NDRG3: variants seen among roughly 807,000 people sequenced by gnomAD.
The protein encoded by NDRG3 is protein NDRG3.
Under a neutral mutation model 57.2 loss-of-function variants are expected in NDRG3, and 23 were observed. The observed-to-expected ratio is 0.40, with a 90% CI of 0.29 to 0.57. NDRG3 has a LOEUF of 0.57. Among genes scored for constraint, NDRG3 ranks in the 20% least tolerant of loss-of-function variants. The pLI, the probability that NDRG3 is intolerant of heterozygous loss-of-function variation, is 0.42. For missense variants in NDRG3, 384 were observed against 457.3 expected (o/e 0.84, Z 1.46); for synonymous variants, 132 against 162.6 (o/e 0.81, Z 1.43).
chr20:36,723,659 A>AGTGTGTGTGTGTGTGTGTGTGT (rs36022065), intron 1 of NDRG3, among the ~76,000 whole-genome samples: 4 of 132,938 alleles, frequency 3.0e-5, no homozygotes, highest in African/African-American at 5.7e-5. Flanking sequence ...ATATTAGTCT[A>AGTGTGTGTGTGTGTGTGTGTGT]GTGTGTGTGT....
intron 15 of NDRG3, among the ~76,000 whole-genome samples, chr20:36,655,826 G>T (rs1311270622): frequency 2.6e-5 from 4 of 152,056 alleles, no homozygotes; most frequent in African/African-American, 9.7e-5. Flanking sequence ...ACTAATAACA[G>T]AATGACTTCT....
chr20:36,731,145 G>A (rs1985263025), intron 1 of NDRG3, among the ~76,000 whole-genome samples: 1 of 152,096 alleles, frequency 6.6e-6, no homozygotes, highest in Admixed American at 6.6e-5. Flanking sequence ...AGCACAGGTG[G>A]GAGTGAGAAT....
intron 3 of NDRG3, among the ~76,000 whole-genome samples, chr20:36,696,777 C>T (rs899256915): frequency 6.6e-6 from 1 of 152,214 alleles, no homozygotes; most frequent in African/African-American, 2.4e-5. Context: ...AGGCGTGAGC[C>T]ACCACGCCCG....
At chr20:36,655,479 C>A (rs1013190860) in intron 15 of NDRG3, among the ~76,000 whole-genome samples, 2 of 152,182 alleles carry the variant, frequency 1.3e-5, no homozygotes, top group Non-Finnish European at 2.9e-5. Flanking sequence ...TACAAGAGAC[C>A]AGGACAATGG....
chr20:36,744,972 G>C (rs534600216), intron 1 of NDRG3, among the ~76,000 whole-genome samples: 4 of 150,956 alleles, frequency 2.6e-5, no homozygotes, highest in African/African-American at 7.4e-5. Flanking sequence ...GGGTAAGGGG[G>C]GGGGGGGGCG....
intron 1 of NDRG3, among the ~76,000 whole-genome samples, chr20:36,743,215 C>G (rs1276408425): frequency 6.6e-6 from 1 of 152,188 alleles, no homozygotes; most frequent in Non-Finnish European, 1.5e-5. Flanking sequence ...CAAAAGCAGC[C>G]GGGCTCGGAG....
intron 8 of NDRG3, among the ~76,000 whole-genome samples, chr20:36,677,040 C>T (rs1980793468): frequency 6.6e-6 from 1 of 152,224 alleles, no homozygotes; most frequent in African/African-American, 2.4e-5. Flanking sequence ...TTTGCCTTCC[C>T]AGGTACAGCT....
rs990627677 is a variant in NDRG3 at position 36,699,757 on chromosome 20, A to C, written c.93+7215T>G. On this transcript the variant is annotated intron_variant, in intron 3 of 15. Transcript: ENST00000349004. ...GATGGGGATGAGACAGTGAGCTGCC[A>C]GGGAAGGTCAGGAGAAGGATGGTAA... Among the ~76,000 whole-genome samples the C allele has an allele frequency of 7.9e-5, 12 of 152,026 alleles. No homozygotes were observed. In the East Asian group the frequency reaches 1.7e-3, roughly 22 times the overall value.
chr20:36,712,920 A>C (rs1454742999), intron 2 of NDRG3, among the ~76,000 whole-genome samples: 1 of 151,838 alleles, frequency 6.6e-6, no homozygotes, highest in African/African-American at 2.4e-5. Flanking sequence ...TCTGAGACAG[A>C]GTCTTGCTTT....
Position 36,653,238 on chromosome 20 carries a change from T to C in NDRG3, c.*282A>G. On this transcript the variant is annotated 3_prime_UTR_variant, in exon 16 of 16. Coordinates refer to ENST00000349004, the MANE Select transcript of NDRG3 (RefSeq NM_032013.4). The surrounding 1 kb of genome is among the most constrained non-coding windows in gnomAD (Gnocchi z 4.2). Reference sequence around the variant, plus strand: ...GGATCAAAGAATCTTATCTGATACATAGTTGGGGGAGCACGGGAAAAAGCT... The same window carrying C: ...GGATCAAAGAATCTTATCTGATACACAGTTGGGGGAGCACGGGAAAAAGCT... 3.2e-6 allele frequency: 1 copy of C among 313,112 alleles called. No homozygotes were observed. Among genetic ancestry groups the C allele is most frequent in the East Asian group, 5.3e-5 (1 of 18,700 alleles). The allele number at this position is 313,112 out of a possible 1,614,324, so 19.4% of individuals were successfully genotyped here.
chr20:36,701,378 A>AT (rs1181408616), intron 3 of NDRG3, among the ~76,000 whole-genome samples: 5 of 151,714 alleles, frequency 3.3e-5, no homozygotes, highest in African/African-American at 4.8e-5. Context: ...CTCTACAAAA[A>AT]ATATATATAT....
chr20:36,653,647 C>T lies in NDRG3; in HGVS notation c.1001G>A (p.Ser334Asn). 1 of 1,614,154 alleles carries T rather than the reference C, an allele frequency of 6.2e-7. No individual in the cohort carries two copies. The highest frequency in any genetic ancestry group is 2.2e-5 in the East Asian group (1 of 44,882). ...GGGACTTTCTCCAGAGCCGAGGCTA[C>T]TCGAGGTTGAGTGGGTTCGTGATCG... is the stretch of plus-strand genomic sequence containing the variant. ...LARSRTHSTS[S>N]SLGSGESPFS... is the part of the protein sequence containing the mutation. Residue 334 changes from serine (S) to asparagine (N), a missense_variant, in exon 16 of 16, where the codon AGT (serine) becomes AAT (asparagine). Physicochemically the swap from Ser to Asn is conservative, Grantham distance 46 (BLOSUM62 1). Coordinates refer to ENST00000349004, the MANE Select transcript of NDRG3 (RefSeq NM_032013.4). This position sits in a 1 kb window ranked among gnomAD's most constrained non-coding sequence, Gnocchi z 4.2.
At chr20:36,683,088 A>C (rs543957740) in intron 6 of NDRG3, among the ~76,000 whole-genome samples, 4 of 152,066 alleles carry the variant, frequency 2.6e-5, no homozygotes, top group Non-Finnish European at 5.9e-5. Context: ...TAAAAATACA[A>C]AAAAAATTAA....
chr20:36,658,173 C>T (rs1485952071), intron 13 of NDRG3, among the ~76,000 whole-genome samples: 2 of 152,084 alleles, frequency 1.3e-5, no homozygotes, highest in African/African-American at 4.8e-5. Context: ...CTCTCGTTGC[C>T]CAGGCTGGAG....
In NDRG3 at chr20:36,687,246, C is replaced by T. The variant is rs78708611; in HGVS notation, c.320+246G>A. On this transcript the variant is annotated intron_variant, in intron 5 of 15. Coordinates refer to ENST00000349004, the MANE Select transcript of NDRG3 (RefSeq NM_032013.4). The stretch of plus-strand genomic sequence containing the variant: ...TCCAGACACTTATGCCTTGAGATTA[C>T]AGGAAAGCAGGCACCTGCTATGGAG... 8.4e-3 allele frequency among the ~76,000 whole-genome samples: 1,279 copies of T among 152,144 alleles called. 7 individuals are homozygous for T. Among genetic ancestry groups the T allele is most frequent in the Admixed American group, 0.018 (269 of 15,272 alleles).
intron 6 of NDRG3, 145 bp from the exon 7 acceptor site, chr20:36,682,723 C>T: frequency 3.0e-6 from 2 of 671,926 alleles, no homozygotes; most frequent in Non-Finnish European, 5.2e-6. Context: ...TTTTTCTTTC[C>T]CCTAACTTTC....
intron 15 of NDRG3, 40 bp downstream of exon 15, chr20:36,656,320 T>C (rs1978664096): frequency 6.3e-7 from 1 of 1,598,098 alleles, no homozygotes; most frequent in African/African-American, 1.3e-5. Context: ...CTCCCAATAT[T>C]CCTAAATCGT....
intron 1 of NDRG3, among the ~76,000 whole-genome samples, chr20:36,743,743 G>T (rs1309126834): frequency 3.6e-5 from 5 of 139,380 alleles, no homozygotes; most frequent in African/African-American, 1.3e-4. Flanking sequence ...GCGTGAATCT[G>T]GGAGGCGGAG....
At chr20:36,703,263 T>C (rs546852144) in intron 3 of NDRG3, among the ~76,000 whole-genome samples, 3 of 152,226 alleles carry the variant, frequency 2.0e-5, no homozygotes, top group Non-Finnish European at 4.4e-5. Flanking sequence ...TATACATGTA[T>C]ATTAGAGAGT....
Sources: gnomAD v4.1 joint callset for allele counts (sites outside exome capture counted in the v4.1 genomes callset) on GRCh38, gnomAD v4.1.1 for gene constraint, Gnocchi (gnomAD v3.1) non-coding constraint, MANE v1.5 for transcripts, NCBI Gene and HGNC (gene_info 2026-07-23, HGNC 2026-07-21) for gene names.